Variants in SIPA1L1 observed in about 807,000 individuals in gnomAD.
The protein encoded by SIPA1L1 is signal induced proliferation associated 1 like 1.
SIPA1L1 carries 26 observed loss-of-function variants against 162.7 expected under a neutral mutation model. The ratio of observed to expected loss-of-function variants is 0.16; its 90% CI spans 0.12 to 0.22. The LOEUF (loss-of-function observed/expected upper bound fraction) is 0.22. SIPA1L1 is among the 10% of genes least tolerant of loss of function. The pLI is 1.00. For missense variants in SIPA1L1, 1,874 were observed against 2,241.0 expected (o/e 0.84, Z 3.31); for synonymous variants, 829 against 837.4 (o/e 0.99, Z 0.17).
In SIPA1L1 at chr14:71,426,928, G is replaced by A. The variant is rs561899823; in HGVS notation, c.-464-85815G>A. ...ACATAAAGTAATAATGAACTAATAA[G>A]AGATTAGTGCATTCATTTCTTAAAC... On this transcript the variant is annotated intron_variant, in intron 2 of 23. Transcript: ENST00000381232. 1.1e-3 allele frequency among the ~76,000 whole-genome samples: 169 copies of A among 152,286 alleles called. 2 individuals are homozygous for A. Among genetic ancestry groups the A allele is most frequent in the African/African-American group, 4.0e-3 (165 of 41,544 alleles).
At chr14:71,527,456 TTCAGCC>T (rs2052998864) in intron 3 of SIPA1L1, among the ~76,000 whole-genome samples, 1 of 152,104 alleles carries the variant, frequency 6.6e-6, no homozygotes, top group East Asian at 1.9e-4. Context: ...ATCCTCCTGC[TTCAGCC>T]TCCCAAAATG....
intron 4 of SIPA1L1, among the ~76,000 whole-genome samples, chr14:71,582,456 C>T (rs2034067286): frequency 6.6e-6 from 1 of 152,158 alleles, no homozygotes; most frequent in East Asian, 1.9e-4. Flanking sequence ...TTCAGCTATA[C>T]AAACTATATT....
chr14:71,321,861 AT>A (rs1221716221), intron 2 of SIPA1L1: 2 of 152,104 alleles, frequency 1.3e-5, no homozygotes, highest in Admixed American at 1.3e-4. Flanking sequence ...GCAGGTTGAA[AT>A]TTCATCGCGG....
intron 2 of SIPA1L1, among the ~76,000 whole-genome samples, chr14:71,370,766 C>T (rs2038813388): frequency 6.6e-6 from 1 of 152,122 alleles, no homozygotes; most frequent in African/African-American, 2.4e-5. Context: ...GTCTTGATTC[C>T]AACTGTGATG....
intron 4 of SIPA1L1, among the ~76,000 whole-genome samples, chr14:71,566,694 A>C (rs1477553603): frequency 2.0e-5 from 3 of 152,232 alleles, no homozygotes; most frequent in African/African-American, 4.8e-5. Flanking sequence ...ATTCTAGATG[A>C]ATTAAAGCCA....
chr14:71,554,954 A>C (rs551581889), intron 4 of SIPA1L1, among the ~76,000 whole-genome samples: 3 of 152,350 alleles, frequency 2.0e-5, no homozygotes, highest in East Asian at 3.9e-4. Context: ...TTTAAAAAAA[A>C]AACAACAATT....
At chr14:71,500,970 C>G (rs1161483770) in intron 2 of SIPA1L1, among the ~76,000 whole-genome samples, 1 of 152,190 alleles carries the variant, frequency 6.6e-6, no homozygotes, top group East Asian at 1.9e-4. Flanking sequence ...CGTGCCATTG[C>G]ACTCCATCCT....
chr14:71,511,977 C>G (rs545955959), intron 2 of SIPA1L1, among the ~76,000 whole-genome samples: 3 of 152,304 alleles, frequency 2.0e-5, no homozygotes, highest in South Asian at 2.1e-4. Flanking sequence ...CTGTTCCTCA[C>G]TTATATCTTT....
intron 2 of SIPA1L1, among the ~76,000 whole-genome samples, chr14:71,471,336 G>A (rs1490111820): frequency 6.6e-6 from 1 of 152,184 alleles, no homozygotes; most frequent in Non-Finnish European, 1.5e-5. Flanking sequence ...GGGCGTGGTG[G>A]CATGTGCCTG....
At chr14:71,627,818 C>T (rs762026251) in intron 7 of SIPA1L1, among the ~76,000 whole-genome samples, 4 of 152,178 alleles carry the variant, frequency 2.6e-5, no homozygotes, top group Admixed American at 6.5e-5. Flanking sequence ...TAGCCCTGAG[C>T]ACTGGATATA....
At chr14:71,508,112 T>A (rs143778473) in intron 2 of SIPA1L1, among the ~76,000 whole-genome samples, 106 of 152,298 alleles carry the variant, frequency 7.0e-4, no homozygotes, top group Non-Finnish European at 5.9e-4. Flanking sequence ...ACCATTGCTG[T>A]TTGGGAATGT....
At chr14:71,580,829 T>G (rs1395115196) in intron 4 of SIPA1L1, among the ~76,000 whole-genome samples, 5 of 152,174 alleles carry the variant, frequency 3.3e-5, no homozygotes, top group Admixed American at 6.5e-5. Flanking sequence ...TTTTTTCTCA[T>G]AAGTTTTGTT....
chr14:71,623,987 T>C (rs2039715450), intron 6 of SIPA1L1, 61 bp from the exon 7 acceptor site: 1 of 1,413,306 alleles, frequency 7.1e-7, no homozygotes, highest in Non-Finnish European at 9.7e-7. Flanking sequence ...GCAGTGCATG[T>C]ACATGTGTTC....
At chr14:71,724,896 T>A in intron 19 of SIPA1L1, 61 bp downstream of exon 19, 1 of 1,454,942 alleles carries the variant, frequency 6.9e-7, no homozygotes, top group Non-Finnish European at 9.5e-7. Flanking sequence ...ATGGGGCTAT[T>A]AACCATAGTC....
chr14:71,735,502 C>A, intron 22 of SIPA1L1, 111 bp downstream of exon 22: 1 of 697,528 alleles, frequency 1.4e-6, no homozygotes. Context: ...TGAAGCTGAT[C>A]ACTGCAGGGC....
At chr14:71,645,772 T>C (rs2042103347) in intron 7 of SIPA1L1, among the ~76,000 whole-genome samples, 1 of 152,156 alleles carries the variant, frequency 6.6e-6, no homozygotes, top group East Asian at 1.9e-4. Context: ...AATACCAGAT[T>C]GACTCTTAAT....
chr14:71,677,235 C>T (rs2045302907), intron 12 of SIPA1L1, among the ~76,000 whole-genome samples: 1 of 152,320 alleles, frequency 6.6e-6, no homozygotes, highest in East Asian at 1.9e-4. Flanking sequence ...TGATGATGAG[C>T]ATTTTTTCAT....
At chr14:71,640,785 C>T (rs143692972) in intron 7 of SIPA1L1, among the ~76,000 whole-genome samples, 4 of 152,200 alleles carry the variant, frequency 2.6e-5, no homozygotes, top group Admixed American at 1.3e-4. Flanking sequence ...CCCCTACGCC[C>T]GGCTAACTTT....
chr14:71,378,052 C>T (rs924161937), intron 2 of SIPA1L1, among the ~76,000 whole-genome samples: 2 of 151,450 alleles, frequency 1.3e-5, no homozygotes, highest in African/African-American at 4.9e-5. Context: ...TCTATAGGAT[C>T]TCTGGTTTTT....
Sources: gnomAD v4.1 joint callset for allele counts (sites outside exome capture counted in the v4.1 genomes callset) on GRCh38, gnomAD v4.1.1 for gene constraint, MANE v1.5 for transcripts, NCBI Gene and HGNC (gene_info 2026-07-23, HGNC 2026-07-21) for gene names.